C4orf33: variants seen among roughly 807,000 people sequenced by gnomAD.
C4orf33 encodes the protein UPF0462 protein C4orf33.
C4orf33 carries 20 observed loss-of-function variants against 24.3 expected under a neutral mutation model. The observed-to-expected ratio is 0.82, with a 90% confidence interval of 0.58 to 1.19. The LOEUF (loss-of-function observed/expected upper bound fraction) is 1.19. Ranked by LOEUF, C4orf33 falls within the 50% of genes most tolerant of loss-of-function variation. The pLI is 0.00. For missense variants in C4orf33, 207 were observed against 225.9 expected (o/e 0.92, Z 0.54); for synonymous variants, 67 against 76.4 (o/e 0.88, Z 0.64).
chr4:129,109,962 G>T (rs1753639163), intron 5 of C4orf33: 17 of 1,153,760 alleles, frequency 1.5e-5, no homozygotes, highest in Non-Finnish European at 1.8e-5. Flanking sequence ...TAGAAGTATG[G>T]TCACAAATTC....
intron 2 of C4orf33, among the ~76,000 whole-genome samples, chr4:129,103,479 T>C (rs1489461743): frequency 6.6e-6 from 1 of 152,204 alleles, no homozygotes; most frequent in Non-Finnish European, 1.5e-5. Flanking sequence ...TTTTACTTAT[T>C]GTAGAAACAC....
chr4:129,100,332 A>ATT (rs70938454), intron 1 of C4orf33, among the ~76,000 whole-genome samples: 9,089 of 147,868 alleles, frequency 0.061, 344 homozygotes, highest in African/African-American at 0.095. Context: ...TTGTATTTTG[A>ATT]TTTTTTTTTT....
rs1561094966 is a variant in C4orf33 at position 129,115,817 on chromosome 4, TATATATATATATAAA to T, written c.*4035_*4049del. On this transcript the variant is annotated 3_prime_UTR_variant, in exon 6 of 6. Coordinates refer to ENST00000425929, the MANE Select transcript of C4orf33 (RefSeq NM_001099783.2). ...TTCTAACTAAATATATATATATATA[TATATATATATATAAA>T]ATATATATGTTTATATATAACATAT... is the stretch of plus-strand genomic sequence containing the variant. The T allele has an allele frequency of 5.6e-5, 8 of 141,916 alleles. No individual in the cohort carries two copies. In the East Asian group the frequency reaches 1.6e-3, roughly 28 times the overall value. The allele number at this position is 141,916 out of a possible 1,614,324, so 8.8% of individuals were successfully genotyped here.
chr4:129,115,812 A>ATATATATATATATATATAAAATATATATG lies in C4orf33; in HGVS notation c.*4023_*4051dup, dbSNP rs1753765309. 8.1e-6 allele frequency: 1 copy of ATATATATATATATATATAAAATATATATG among 123,568 alleles called. No individual in the cohort carries two copies. The highest frequency in any genetic ancestry group is 1.7e-5 in the Non-Finnish European group (1 of 58,200). 7.7% of individuals were successfully genotyped at this position (123,568 alleles called of 1,614,324 possible). A position where few individuals can be genotyped will look rare whatever the true frequency, so the allele number is the denominator to read the frequency against. On this transcript the variant is annotated 3_prime_UTR_variant, in exon 6 of 6. Coordinates refer to ENST00000425929, the MANE Select transcript of C4orf33 (RefSeq NM_001099783.2). The stretch of plus-strand genomic sequence containing the variant: ...AAATCTTCTAACTAAATATATATAT[A>ATATATATATATATATATAAAATATATATG]TATATATATATATATATAAAATATA...
chr4:129,100,332 A>AT (rs70938454), intron 1 of C4orf33, among the ~76,000 whole-genome samples: 81,717 of 147,908 alleles, frequency 0.55, 24,183 homozygotes, highest in South Asian at 0.67. Flanking sequence ...TTGTATTTTG[A>AT]TTTTTTTTTT....
chr4:129,111,144 A>C (rs1753683088), intron 5 of C4orf33, among the ~76,000 whole-genome samples: 1 of 152,214 alleles, frequency 6.6e-6, no homozygotes, highest in South Asian at 2.1e-4. Flanking sequence ...CATGTTAGCT[A>C]AGCCTTTCTC....
In C4orf33 at chr4:129,102,847, C is replaced by T. The variant is rs914556438; in HGVS notation, c.181+56C>T. On this transcript the variant is annotated intron_variant, in intron 2 of 5. Transcript: ENST00000425929. ...CATAAATCTTCTTATAATAACCTCT[C>T]ACAGAACTATTATTTTATCTTGCTG... 8.2e-5 allele frequency: 120 copies of T among 1,457,544 alleles called. 1 individual carries two copies. Among genetic ancestry groups the T allele is most frequent in the Non-Finnish European group, 1.1e-4 (118 of 1,066,912 alleles). 90.3% of individuals were successfully genotyped at this position (1,457,544 alleles called of 1,614,324 possible). A position where few individuals can be genotyped will look rare whatever the true frequency, so the allele number is the denominator to read the frequency against.
In C4orf33 at chr4:129,112,531, T is replaced by G. The variant is rs1259441728; in HGVS notation, c.*740T>G. 2.6e-5 allele frequency: 4 copies of G among 152,132 alleles called. No homozygotes were observed. Among genetic ancestry groups the G allele is most frequent in the African/African-American group, 9.7e-5 (4 of 41,442 alleles). The allele number at this position is 152,132 out of a possible 1,614,324, so 9.4% of individuals were successfully genotyped here. A position where few individuals can be genotyped will look rare whatever the true frequency, so the allele number is the denominator to read the frequency against. ...TTTCCGGGGTGATTGAAATGTTTTG[T>G]ATTTTGATCTGGATGATGGTTATGT... On this transcript the variant is annotated 3_prime_UTR_variant, in exon 6 of 6. Coordinates refer to ENST00000425929, the MANE Select transcript of C4orf33 (RefSeq NM_001099783.2).
At chr4:129,099,633 G>A (rs958081449) in intron 1 of C4orf33, among the ~76,000 whole-genome samples, 4 of 152,192 alleles carry the variant, frequency 2.6e-5, no homozygotes, top group Non-Finnish European at 4.4e-5. Context: ...ATAGAGCAGT[G>A]TATAGGTTAA....
rs554832529 is a variant in C4orf33, at chr4:129,116,086, G to A, written c.*4295G>A. ...TCTGAAGCTAAGATGACACATGTATGAGGAATATAGGAAGCCAGAAATCAT... is the reference window on the plus strand; with the variant it reads ...TCTGAAGCTAAGATGACACATGTATAAGGAATATAGGAAGCCAGAAATCAT... On this transcript the variant is annotated 3_prime_UTR_variant, in exon 6 of 6. Transcript: ENST00000425929. The A allele has an allele frequency of 6.2e-4, 94 of 151,920 alleles. No individual in the cohort carries two copies. The highest frequency in any genetic ancestry group is 1.6e-3 in the African/African-American group (66 of 41,484). 9.4% of individuals were successfully genotyped at this position (151,920 alleles called of 1,614,324 possible).
chr4:129,110,273 C>A (rs1753649454), intron 5 of C4orf33, among the ~76,000 whole-genome samples: 1 of 152,158 alleles, frequency 6.6e-6, no homozygotes, highest in Non-Finnish European at 1.5e-5. Context: ...TGTGGGAACC[C>A]TGGAAGCTAT....
rs547488144 is a variant in C4orf33, at chr4:129,097,417, A to T, written c.-10+1208A>T. ...CTGAGATAGTGTATGCCTCACAAGC[A>T]TATATGCAAATAAGCTTCCTTTTTA... On this transcript the variant is annotated intron_variant, in intron 1 of 5. Transcript: ENST00000425929. Among the ~76,000 whole-genome samples the T allele has an allele frequency of 3.9e-5, 6 of 152,340 alleles. No individual in the cohort carries two copies. In the South Asian group the frequency reaches 1.2e-3, roughly 32 times the overall value.
In C4orf33 at chr4:129,110,288, A is replaced by G. The variant is rs138529239; in HGVS notation, c.494+616A>G. Among the ~76,000 whole-genome samples, 3 of 152,344 alleles carry G rather than the reference A, an allele frequency of 2.0e-5. No individual in the cohort carries two copies. The East Asian group carries it at 5.8e-4, about 29-fold the overall frequency. Reference sequence around the variant, plus strand: ...TGTGGGAACCCTGGAAGCTATGGCTATGGAGTTATTCCAAGAGATATTGCT... The same window carrying G: ...TGTGGGAACCCTGGAAGCTATGGCTGTGGAGTTATTCCAAGAGATATTGCT... On this transcript the variant is annotated intron_variant, in intron 5 of 5. Transcript: ENST00000425929.
rs1753769350 is a variant in C4orf33, at chr4:129,115,832, A to AAAT, written c.*4042_*4043insATA. On this transcript the variant is annotated 3_prime_UTR_variant, in exon 6 of 6. Coordinates refer to ENST00000425929, the MANE Select transcript of C4orf33 (RefSeq NM_001099783.2). ...TATATATATATATATATATATATAA[A>AAAT]ATATATATGTTTATATATAACATAT... 1.6e-4 allele frequency: 13 copies of AAAT among 79,892 alleles called. No homozygotes were observed. Among genetic ancestry groups the AAAT allele is most frequent in the African/African-American group, 6.5e-4 (12 of 18,604 alleles). 4.9% of individuals were successfully genotyped at this position (79,892 alleles called of 1,614,324 possible). A position where few individuals can be genotyped will look rare whatever the true frequency, so the allele number is the denominator to read the frequency against.
intron 1 of C4orf33, among the ~76,000 whole-genome samples, chr4:129,097,063 C>T (rs996946865): frequency 6.6e-6 from 1 of 152,164 alleles, no homozygotes; most frequent in Admixed American, 6.5e-5. Context: ...CGCGTGCCAC[C>T]ACGCCCAGCT....
intron 1 of C4orf33, among the ~76,000 whole-genome samples, chr4:129,097,561 AT>A (rs1050723687): frequency 6.6e-6 from 1 of 152,010 alleles, no homozygotes; most frequent in Non-Finnish European, 1.5e-5. Flanking sequence ...GTATAGCATA[AT>A]TTTTTTTACC....
chr4:129,109,263 A>C (rs750389506), intron 3 of C4orf33, 44 bp from the exon 4 acceptor site: 5 of 1,548,764 alleles, frequency 3.2e-6, no homozygotes, highest in Non-Finnish European at 3.6e-6. Context: ...AGAAAATAAC[A>C]TTCATGTTTT....
At chr4:129,097,129 G>A (rs1212296929) in intron 1 of C4orf33, among the ~76,000 whole-genome samples, 7 of 152,128 alleles carry the variant, frequency 4.6e-5, no homozygotes, top group Admixed American at 3.9e-4. Context: ...GGATGGTCTC[G>A]ATCTCCTGAC....
chr4:129,098,753 G>T (rs1011047215), intron 1 of C4orf33, among the ~76,000 whole-genome samples: 15 of 152,326 alleles, frequency 9.8e-5, no homozygotes, highest in Admixed American at 9.2e-4. Context: ...GCTAAATAAG[G>T]GGTGGGTTAT....
Sources: gnomAD v4.1 joint callset for allele counts (sites outside exome capture counted in the v4.1 genomes callset) on GRCh38, gnomAD v4.1.1 for gene constraint, MANE v1.5 for transcripts, NCBI Gene and HGNC (gene_info 2026-07-23, HGNC 2026-07-21) for gene names.